Variants in EYS observed in about 807,000 individuals in gnomAD.
EYS encodes the protein protein eyes shut homolog.
In EYS, 250 loss-of-function variants were observed where a neutral mutation model predicts 282.1. The observed-to-expected ratio is 0.89, with a 90% CI of 0.80 to 0.98. EYS has a LOEUF of 0.98. Among genes scored for constraint, EYS ranks in the 50% least tolerant of loss-of-function variants. EYS has a pLI of 0.00. For missense variants in EYS, 4,016 were observed against 3,709.0 expected (o/e 1.08, Z -2.15); for synonymous variants, 1,355 against 1,282.9 (o/e 1.06, Z -1.20).
At chr6:64,365,884 A>C (rs1418172455) in intron 29 of EYS, among the ~76,000 whole-genome samples, 1 of 152,016 alleles carries the variant, frequency 6.6e-6, no homozygotes, top group Non-Finnish European at 1.5e-5. Flanking sequence ...ATGGAATTTG[A>C]AACTGCAGAA....
intron 26 of EYS, among the ~76,000 whole-genome samples, chr6:64,474,062 C>T (rs1776196952): frequency 6.6e-6 from 1 of 152,116 alleles, no homozygotes; most frequent in Admixed American, 6.5e-5. Flanking sequence ...ACCTAAAAGG[C>T]CCTCTTCTTT....
intron 19 of EYS, among the ~76,000 whole-genome samples, chr6:64,859,365 G>T (rs1187096664): frequency 6.6e-6 from 1 of 151,274 alleles, no homozygotes; most frequent in Non-Finnish European, 1.5e-5. Context: ...ATTACAACAT[G>T]TATATTTAAC....
intron 22 of EYS, among the ~76,000 whole-genome samples, chr6:64,791,152 A>G (rs1217537267): frequency 6.6e-6 from 1 of 151,878 alleles, no homozygotes; most frequent in Non-Finnish European, 1.5e-5. Flanking sequence ...CATAAAATAC[A>G]TATAATATAT....
At chr6:65,595,726 G>A (rs1461959482) in intron 2 of EYS, among the ~76,000 whole-genome samples, 1 of 151,774 alleles carries the variant, frequency 6.6e-6, no homozygotes, top group Non-Finnish European at 1.5e-5. Flanking sequence ...GTCTAGAATT[G>A]CGACATCACT....
At chr6:65,215,835 T>C (rs545515443) in intron 12 of EYS, among the ~76,000 whole-genome samples, 30 of 152,342 alleles carry the variant, frequency 2.0e-4, no homozygotes, top group Non-Finnish European at 3.2e-4. Context: ...TAAAAGACTA[T>C]GACTTGCTGA....
chr6:64,590,356 C>T lies in EYS; in HGVS notation c.5511G>A (p.Trp1837Ter), dbSNP rs745574120. ...CACTAGGCTGAAGTTCCCATTTGGACCATTCTGAAGAAGTCTTGACCTCTT... is the reference window on the plus strand; with the variant it reads ...CACTAGGCTGAAGTTCCCATTTGGATCATTCTGAAGAAGTCTTGACCTCTT... Reference protein sequence around the residue: ...LKKEVKTSSEWSKWELQPSVQ... With the variant: ...LKKEVKTSSE The change falls in exon 26 of 43, where the codon TGG becomes TGA. Residue 1837 changes from tryptophan to a stop codon, truncating the protein, a stop_gained. Coordinates refer to ENST00000503581, the MANE Select transcript of EYS (RefSeq NM_001142800.2). LOFTEE classifies it high-confidence loss of function. 1.3e-6 allele frequency: 2 copies of T among 1,551,210 alleles called. No homozygotes were observed. The highest frequency in any genetic ancestry group is 1.7e-6 in the Non-Finnish European group (2 of 1,146,684).
intron 42 of EYS, among the ~76,000 whole-genome samples, chr6:63,723,714 A>C (rs556566919): frequency 7.9e-5 from 12 of 151,972 alleles, no homozygotes; most frequent in Non-Finnish European, 1.8e-4. Flanking sequence ...GTATTAGCTT[A>C]AAAAATCATA....
intron 13 of EYS, among the ~76,000 whole-genome samples, chr6:65,036,079 C>G (rs1583421207): frequency 6.6e-6 from 1 of 151,322 alleles, no homozygotes. Flanking sequence ...GAATTTGAAC[C>G]ATACAACAAG....
chr6:65,545,039 T>C (rs1192006190), intron 2 of EYS, among the ~76,000 whole-genome samples: 1 of 152,114 alleles, frequency 6.6e-6, no homozygotes, highest in East Asian at 1.9e-4. Flanking sequence ...CTAATTTTGC[T>C]TTAAAAATAA....
At chr6:64,584,854 T>C (rs988213230) in intron 26 of EYS, among the ~76,000 whole-genome samples, 8 of 152,152 alleles carry the variant, frequency 5.3e-5, no homozygotes, top group Non-Finnish European at 1.2e-4. Flanking sequence ...GTTAATGTAC[T>C]ATAAAATGTA....
At chr6:64,847,768 C>CT (rs1765760514) in intron 19 of EYS, among the ~76,000 whole-genome samples, 1 of 152,008 alleles carries the variant, frequency 6.6e-6, no homozygotes, top group Non-Finnish European at 1.5e-5. Flanking sequence ...GTTATTTTCC[C>CT]TTTTCCCAGG....
intron 11 of EYS, among the ~76,000 whole-genome samples, chr6:65,318,502 G>A (rs1204393182): frequency 1.4e-5 from 2 of 146,060 alleles, no homozygotes; most frequent in South Asian, 4.3e-4. Flanking sequence ...CATCTTGGAG[G>A]CTGGTCACCA....
At chr6:65,232,947 T>C (rs113494943) in intron 12 of EYS, among the ~76,000 whole-genome samples, 1,637 of 152,260 alleles carry the variant, frequency 0.011, 32 homozygotes, top group African/African-American at 0.038. Context: ...CCATCAATAT[T>C]GTCACATGTG....
At chr6:65,124,186 T>A (rs114350708) in intron 12 of EYS, among the ~76,000 whole-genome samples, 2,517 of 151,120 alleles carry the variant, frequency 0.017, 40 homozygotes, top group African/African-American at 0.046. Context: ...AATAAAAATA[T>A]AAAGGAATAA....
chr6:64,661,839 T>A (rs1583011861), intron 22 of EYS, among the ~76,000 whole-genome samples: 6 of 138,472 alleles, frequency 4.3e-5, no homozygotes, highest in African/African-American at 1.7e-4. Flanking sequence ...TCCTCAGGGA[T>A]CTAGAACTAG....
chr6:65,067,983 G>A (rs1179485674), intron 12 of EYS, among the ~76,000 whole-genome samples: 1 of 151,984 alleles, frequency 6.6e-6, no homozygotes, highest in Non-Finnish European at 1.5e-5. Context: ...ATATCCTCAG[G>A]TCACACTGCT....
At chr6:64,141,347 A>G (rs1328858999) in intron 31 of EYS, among the ~76,000 whole-genome samples, 1 of 152,248 alleles carries the variant, frequency 6.6e-6, no homozygotes, top group Non-Finnish European at 1.5e-5. Flanking sequence ...GTGATATTTG[A>G]TCACAGGATG....
intron 2 of EYS, among the ~76,000 whole-genome samples, chr6:65,635,286 C>T (rs1767045960): frequency 1.3e-5 from 2 of 152,160 alleles, no homozygotes; most frequent in African/African-American, 4.8e-5. Flanking sequence ...CTATAGCCAA[C>T]ACCTTAAGAG....
In EYS at chr6:64,114,044, T is replaced by C. The variant is rs143511056; in HGVS notation, c.6425-32042A>G. On this transcript the variant is annotated intron_variant, in intron 31 of 42. Transcript: ENST00000503581. ...CCTAAAATAATTTACTACCTGGCCC[T>C]TTACAGAAAAAAACTTACCAGCCTT... Among the ~76,000 whole-genome samples, 538 of 152,258 alleles carry C rather than the reference T, an allele frequency of 3.5e-3. 3 individuals carry two copies. The highest frequency in any genetic ancestry group is 0.012 in the African/African-American group (506 of 41,548).
Sources: gnomAD v4.1 joint callset for allele counts (sites outside exome capture counted in the v4.1 genomes callset) on GRCh38, gnomAD v4.1.1 for gene constraint, MANE v1.5 for transcripts, NCBI Gene and HGNC (gene_info 2026-07-23, HGNC 2026-07-21) for gene names.